The following SKAP1 variants were observed in gnomAD, a reference collection of about 807,000 sequenced individuals.
SKAP1 encodes the protein src kinase associated phosphoprotein 1.
Under a neutral mutation model 58.5 loss-of-function variants are expected in SKAP1, and 44 were observed. The ratio of observed to expected loss-of-function variants is 0.75; its 90% CI spans 0.59 to 0.97. SKAP1 has a LOEUF of 0.97. SKAP1 is among the 50% of genes least tolerant of loss of function. The pLI, the probability that SKAP1 is intolerant of heterozygous loss-of-function variation, is 0.00. For missense variants in SKAP1, 390 were observed against 435.2 expected, an observed-to-expected ratio of 0.90 and a Z score of 0.92; for synonymous variants, 127 against 149.7, an observed-to-expected ratio of 0.85 and a Z score of 1.11.
chr17:48,276,370 G>A (rs2065701355), intron 4 of SKAP1, among the ~76,000 whole-genome samples: 1 of 152,100 alleles, frequency 6.6e-6, no homozygotes, highest in Admixed American at 6.5e-5. Context: ...CATTTATTTT[G>A]TTCTCCCTCC....
chr17:48,358,839 T>G (rs1598610380), intron 3 of SKAP1, among the ~76,000 whole-genome samples: 1 of 152,136 alleles, frequency 6.6e-6, no homozygotes, highest in Non-Finnish European at 1.5e-5. Context: ...ATATTATTAG[T>G]GAGATTTTAT....
intron 2 of SKAP1, among the ~76,000 whole-genome samples, chr17:48,375,773 G>T (rs149568293): frequency 3.7e-4 from 56 of 152,080 alleles, no homozygotes; most frequent in Non-Finnish European, 6.9e-4. Flanking sequence ...AAATAAAAAG[G>T]AGTCATTGAA....
chr17:48,184,301 G>A (rs2064414547), intron 7 of SKAP1, among the ~76,000 whole-genome samples: 1 of 103,880 alleles, frequency 9.6e-6, no homozygotes, highest in African/African-American at 2.9e-5. Flanking sequence ...GATGAACATG[G>A]GAAAATAATT....
At chr17:48,407,937 A>G (rs1049606888) in intron 1 of SKAP1, among the ~76,000 whole-genome samples, 1 of 152,096 alleles carries the variant, frequency 6.6e-6, no homozygotes, top group Non-Finnish European at 1.5e-5. Flanking sequence ...AGGGGGGGGA[A>G]TCCAGTAAAT....
chr17:48,418,615 G>A (rs754494416), intron 1 of SKAP1, among the ~76,000 whole-genome samples: 2 of 152,168 alleles, frequency 1.3e-5, no homozygotes, highest in African/African-American at 2.4e-5. Context: ...CAAGATAAAT[G>A]AGTGCTTATG....
At chr17:48,417,674 G>A (rs538767926) in intron 1 of SKAP1, among the ~76,000 whole-genome samples, 18 of 151,978 alleles carry the variant, frequency 1.2e-4, no homozygotes, top group African/African-American at 3.1e-4. Context: ...GAACCCAGGA[G>A]GCAGAGGTTG....
At chr17:48,415,516 C>T (rs72827864) in intron 1 of SKAP1, among the ~76,000 whole-genome samples, 30,549 of 152,046 alleles carry the variant, frequency 0.2, 3,891 homozygotes, top group South Asian at 0.38. Flanking sequence ...TCGTCCCATC[C>T]CCTAACCCCT....
intron 4 of SKAP1, among the ~76,000 whole-genome samples, chr17:48,239,364 G>C (rs2065217899): frequency 6.6e-6 from 1 of 152,160 alleles, no homozygotes; most frequent in South Asian, 2.1e-4. Flanking sequence ...GCGAACATCA[G>C]CCTGGCAGTA....
At chr17:48,440,515 T>C in the SKAP1 span, among the ~76,000 whole-genome samples, 2 of 152,202 alleles carry the variant, frequency 1.3e-5, no homozygotes, top group Non-Finnish European at 2.9e-5. Flanking sequence ...ACTCAGAAGA[T>C]TGGCCAAGGT....
intron 10 of SKAP1, among the ~76,000 whole-genome samples, chr17:48,170,389 T>G (rs1226202742): frequency 1.3e-5 from 2 of 152,224 alleles, no homozygotes; most frequent in Non-Finnish European, 2.9e-5. Flanking sequence ...GGATAAATCT[T>G]GGCTGTTCTG....
chr17:48,268,164 T>C (rs564927064), intron 4 of SKAP1, among the ~76,000 whole-genome samples: 56 of 150,996 alleles, frequency 3.7e-4, no homozygotes, highest in African/African-American at 1.3e-3. Flanking sequence ...ATTATAAAAA[T>C]GAGAAGAAGA....
At chr17:48,185,140 T>G in intron 6 of SKAP1, 8 of 256,912 alleles carry the variant, frequency 3.1e-5, no homozygotes, top group Non-Finnish European at 4.4e-5. Flanking sequence ...AAAGAAGGAA[T>G]TATTACAGCA....
At chr17:48,257,628 C>CTTTTTTTTTTTT (rs56225931) in intron 4 of SKAP1, among the ~76,000 whole-genome samples, 63 of 111,120 alleles carry the variant, frequency 5.7e-4, no homozygotes, top group Non-Finnish European at 7.6e-4. Context: ...TTCTTTCTTT[C>CTTTTTTTTTTTT]TTTTTTTTTT....
chr17:48,143,189 C>CTTT (rs1329483693), intron 11 of SKAP1, among the ~76,000 whole-genome samples: 24 of 106,286 alleles, frequency 2.3e-4, no homozygotes, highest in African/African-American at 8.7e-4. Context: ...AATTCTTTAG[C>CTTT]TTTTTTTTTT....
At chr17:48,229,673 G>GT (rs954297263) in intron 4 of SKAP1, among the ~76,000 whole-genome samples, 2 of 152,088 alleles carry the variant, frequency 1.3e-5, no homozygotes, top group African/African-American at 2.4e-5. Flanking sequence ...AATATTTGCA[G>GT]TTTTTTTAAA....
intron 4 of SKAP1, among the ~76,000 whole-genome samples, chr17:48,212,337 CT>C (rs1453011482): frequency 2.0e-5 from 3 of 152,094 alleles, no homozygotes; most frequent in African/African-American, 7.2e-5. Context: ...GTTATGTTTC[CT>C]CTTGGAATTA....
chr17:48,259,801 T>C (rs1181724341), intron 4 of SKAP1, among the ~76,000 whole-genome samples: 1 of 152,144 alleles, frequency 6.6e-6, no homozygotes, highest in Non-Finnish European at 1.5e-5. Flanking sequence ...CACCTACAGT[T>C]TTCTTGACAG....
intron 4 of SKAP1, among the ~76,000 whole-genome samples, chr17:48,247,057 A>G (rs1218768139): frequency 6.6e-6 from 1 of 152,238 alleles, no homozygotes; most frequent in Non-Finnish European, 1.5e-5. Flanking sequence ...TGAACCATCA[A>G]TTCTAGTGCA....
At chr17:48,194,184 A>C (rs1176916036) in intron 4 of SKAP1, among the ~76,000 whole-genome samples, 1 of 152,240 alleles carries the variant, frequency 6.6e-6, no homozygotes, top group Non-Finnish European at 1.5e-5. Flanking sequence ...CACAAAGATA[A>C]GATCAACAGA....
Sources: allele counts gnomAD v4.1 joint callset (sites outside exome capture counted in the v4.1 genomes callset), GRCh38; gene constraint gnomAD v4.1.1; transcripts MANE v1.5; gene names NCBI Gene and HGNC (gene_info 2026-07-23, HGNC 2026-07-21).